The following CFAP47 variants were observed in gnomAD, a reference collection of about 807,000 sequenced individuals.
CFAP47 encodes cilia- and flagella-associated protein 47.
CFAP47 carries 29 observed loss-of-function variants against 148.1 expected under a neutral mutation model. The observed-to-expected ratio is 0.20, with a 90% CI of 0.15 to 0.27. The LOEUF is 0.27. Among genes scored for constraint, CFAP47 ranks in the 10% least tolerant of loss-of-function variants. The pLI is 1.00. For missense variants in CFAP47, 1,872 were observed against 1,697.5 expected (o/e 1.10, Z -1.81); for synonymous variants, 664 against 577.3 (o/e 1.15, Z -2.15).
intron 62 of CFAP47, among the ~76,000 whole-genome samples, chrX:36,375,985 G>A (rs1249663338): frequency 8.9e-6 from 1 of 112,213 alleles, no homozygotes; most frequent in East Asian, 2.8e-4. Flanking sequence ...TCTGGGTCAA[G>A]AAGCAAGAGG....
chrX:36,111,933 T>C (rs1441472090), intron 33 of CFAP47, among the ~76,000 whole-genome samples: 1 of 111,891 alleles, frequency 8.9e-6, no homozygotes, highest in Admixed American at 9.5e-5. Flanking sequence ...TTATTTTTAT[T>C]TCTATGGGGT....
At chrX:35,960,774 C>A (rs1258983026) in intron 8 of CFAP47, among the ~76,000 whole-genome samples, 1 of 110,178 alleles carries the variant, frequency 9.1e-6, no homozygotes, top group African/African-American at 3.4e-5. Context: ...TTGGTGGATT[C>A]TTTGGGATAC....
chrX:36,226,834 C>A, intron 45 of CFAP47, among the ~76,000 whole-genome samples: 1 of 111,302 alleles, frequency 9.0e-6, no homozygotes, highest in Middle Eastern at 4.6e-3. Context: ...TTGTGCGTTG[C>A]AATGATTGTG....
intron 21 of CFAP47, among the ~76,000 whole-genome samples, chrX:36,005,009 T>G (rs920522940): frequency 3.8e-5 from 4 of 106,447 alleles, no homozygotes; most frequent in East Asian, 2.9e-4. Flanking sequence ...GTGTTAATGG[T>G]TTTTTTTTTA....
chrX:36,181,835 C>G (rs1340847013), intron 40 of CFAP47, among the ~76,000 whole-genome samples: 1 of 112,348 alleles, frequency 8.9e-6, no homozygotes, highest in Non-Finnish European at 1.9e-5. Context: ...AAGGCAAAAG[C>G]CACAAAGTTT....
chrX:36,254,697 G>A (rs1017271846), intron 49 of CFAP47, among the ~76,000 whole-genome samples: 4 of 111,661 alleles, frequency 3.6e-5, no homozygotes, highest in Non-Finnish European at 5.7e-5. Context: ...ATGCTGGAGG[G>A]AGAAAGCCAA....
chrX:35,969,139 C>T (rs1272444328), intron 10 of CFAP47, among the ~76,000 whole-genome samples: 2 of 110,384 alleles, frequency 1.8e-5, no homozygotes, highest in Admixed American at 1.9e-4. Flanking sequence ...ACTATTTATC[C>T]CCTGACCATA....
At chrX:36,137,791 A>G (rs1285511049) in intron 33 of CFAP47, among the ~76,000 whole-genome samples, 167 bp from the exon 34 acceptor site, 2 of 110,685 alleles carry the variant, frequency 1.8e-5, no homozygotes, top group Non-Finnish European at 3.8e-5. Context: ...TAACTCTCAT[A>G]GTATTAATCT....
intron 45 of CFAP47, among the ~76,000 whole-genome samples, chrX:36,205,476 T>A (rs782773601): frequency 2.7e-5 from 3 of 111,259 alleles, no homozygotes; most frequent in Non-Finnish European, 5.7e-5. Flanking sequence ...AAGTTGAGGC[T>A]TAGGCTGGCT....
intron 22 of CFAP47, among the ~76,000 whole-genome samples, chrX:36,026,580 C>G (rs1937219144): frequency 9.0e-6 from 1 of 111,104 alleles, no homozygotes. Context: ...TTGTTTGATG[C>G]TCCTTATTTT....
chrX:36,046,785 A>C (rs1937471898), intron 25 of CFAP47, 69 bp from the exon 26 acceptor site: 2 of 671,974 alleles, frequency 3.0e-6, no homozygotes, highest in Admixed American at 8.0e-5. Context: ...AAAAAAATGA[A>C]ATATACATTT....
chrX:36,299,933 A>G (rs2146956919), intron 52 of CFAP47, among the ~76,000 whole-genome samples: 1 of 112,398 alleles, frequency 8.9e-6, no homozygotes, highest in East Asian at 2.8e-4. Flanking sequence ...CGAAGCATGA[A>G]AATAAGAATA....
intron 15 of CFAP47, among the ~76,000 whole-genome samples, chrX:35,985,795 TGG>T (rs1168044056): frequency 1.8e-5 from 2 of 111,692 alleles, no homozygotes; most frequent in African/African-American, 6.5e-5. Flanking sequence ...CTGTAAGCCT[TGG>T]AGTGTGGGGA....
intron 46 of CFAP47, among the ~76,000 whole-genome samples, chrX:36,234,160 C>T (rs1555993450): frequency 9.2e-6 from 1 of 109,159 alleles, no homozygotes; most frequent in Non-Finnish European, 1.9e-5. Flanking sequence ...GAATGTTGGC[C>T]TGCCTTGCTA....
In CFAP47 at chrX:35,981,211, G is replaced by A. The variant is rs772665078; in HGVS notation, c.2713+5298G>A. Among the ~76,000 whole-genome samples the A allele has an allele frequency of 4.9e-4, 53 of 108,102 alleles. No homozygotes were observed. The South Asian group carries it at 6.0e-3, about 12-fold the overall frequency. The allele number at this position is 108,102 out of a possible 115,157, so 93.9% of individuals were successfully genotyped here. On this transcript the variant is annotated intron_variant, in intron 15 of 63. Coordinates refer to ENST00000378653, the MANE Select transcript of CFAP47 (RefSeq NM_001304548.2). ...TGGAAAATACTTACTTAGTACCAAA[G>A]AACATAGTAAAGGTGGAATAAAGAA...
chrX:35,951,052 G>A (rs755521443), intron 4 of CFAP47, 79 bp from the exon 5 acceptor site: 7 of 683,241 alleles, frequency 1.0e-5, no homozygotes, highest in South Asian at 2.9e-5. Flanking sequence ...TCTGTTTGTC[G>A]AAATGTGTGG....
At chrX:36,251,592 T>G (rs1056105878) in intron 49 of CFAP47, 148 bp downstream of exon 49, 1 of 335,471 alleles carries the variant, frequency 3.0e-6, no homozygotes, top group African/African-American at 2.7e-5. Flanking sequence ...TCATTAGCTT[T>G]CTAAGTAATC....
chrX:36,002,875 T>G (rs891222506), intron 21 of CFAP47, among the ~76,000 whole-genome samples: 1 of 111,648 alleles, frequency 9.0e-6, no homozygotes, highest in Admixed American at 9.5e-5. Context: ...TCAGGAAAAA[T>G]GTAAGCTGTT....
At chrX:36,261,496 T>C (rs782516807) in intron 49 of CFAP47, among the ~76,000 whole-genome samples, 60 of 106,287 alleles carry the variant, frequency 5.6e-4, no homozygotes, top group African/African-American at 1.5e-3. Context: ...TTTGTGTCCC[T>C]GGGTACTTGA....
Sources: gnomAD v4.1 joint callset for allele counts (sites outside exome capture counted in the v4.1 genomes callset) on GRCh38, gnomAD v4.1.1 for gene constraint, MANE v1.5 for transcripts, NCBI Gene and HGNC (gene_info 2026-07-23, HGNC 2026-07-21) for gene names.